Variants in GSTA2 observed in about 807,000 individuals in gnomAD.
GSTA2 encodes glutathione S-transferase A2.
In GSTA2, 27 loss-of-function variants were observed where a neutral mutation model predicts 22.4. The ratio of observed to expected loss-of-function variants is 1.21; its 90% confidence interval spans 0.89 to 1.67. The LOEUF is 1.67. Among genes scored for constraint, GSTA2 ranks in the 40% most tolerant of loss-of-function variants. The pLI, the probability that GSTA2 is intolerant of heterozygous loss-of-function variation, is 0.00. For missense variants in GSTA2, 302 were observed against 260.2 expected, an observed-to-expected ratio of 1.16 and a Z score of -1.11; for synonymous variants, 121 against 86.8, an observed-to-expected ratio of 1.39 and a Z score of -2.19.
At chr6:52,754,077 T>G (rs768478402) in intron 4 of GSTA2, among the ~76,000 whole-genome samples, 2 of 152,270 alleles carry the variant, frequency 1.3e-5, no homozygotes, top group Non-Finnish European at 2.9e-5. Context: ...TGACCAAATA[T>G]CTTTCCATTG....
rs1762889008 is a variant in GSTA2 at position 52,758,449 on chromosome 6, G to C, written c.-30-472C>G. ...ATACAATGTTCACAGTCACACTCCG[G>C]TTGGTGATGGACATGAATATCTACA... On this transcript the variant is annotated intron_variant, in intron 1 of 6. Transcript: ENST00000493422. Among the ~76,000 whole-genome samples the C allele has an allele frequency of 2.0e-5, 3 of 151,788 alleles. No homozygotes were observed. The South Asian group carries it at 6.3e-4, about 32-fold the overall frequency.
intron 1 of GSTA2, among the ~76,000 whole-genome samples, chr6:52,760,725 G>A (rs1372329846): frequency 6.6e-6 from 1 of 152,150 alleles, no homozygotes; most frequent in Middle Eastern, 3.2e-3. Flanking sequence ...CCAAATAAAT[G>A]TTGGAAGGAG....
At chr6:52,759,479 C>T (rs1480924033) in intron 1 of GSTA2, among the ~76,000 whole-genome samples, 1 of 145,596 alleles carries the variant, frequency 6.9e-6, no homozygotes, top group African/African-American at 2.5e-5. Flanking sequence ...TGTTATTAAA[C>T]ATTAAGATTC....
chr6:52,759,107 A>G (rs1762903416), intron 1 of GSTA2, among the ~76,000 whole-genome samples: 1 of 152,372 alleles, frequency 6.6e-6, no homozygotes, highest in East Asian at 1.9e-4. Flanking sequence ...AATAGAAAAG[A>G]AAAGAATAGA....
intron 1 of GSTA2, among the ~76,000 whole-genome samples, chr6:52,760,760 C>A (rs1446946742): frequency 1.3e-5 from 2 of 152,112 alleles, no homozygotes; most frequent in Non-Finnish European, 2.9e-5. Flanking sequence ...ACATCTAATT[C>A]CTGAGTTCCT....
At chr6:52,751,754 C>A (rs72506321) in intron 5 of GSTA2, 46 bp from the exon 6 acceptor site, 77 of 1,613,540 alleles carry the variant, frequency 4.8e-5, no homozygotes, top group Middle Eastern at 1.7e-4. Context: ...CCCACCCAGG[C>A]TGGGACCCCT....
chr6:52,753,746 CTTATG>C (rs1184032987), intron 4 of GSTA2, among the ~76,000 whole-genome samples: 1 of 152,190 alleles, frequency 6.6e-6, no homozygotes, highest in African/African-American at 2.4e-5. Flanking sequence ...ATTGCCACCT[CTTATG>C]TTATACTATT....
At chr6:52,759,892 T>C (rs1581776910) in intron 1 of GSTA2, among the ~76,000 whole-genome samples, 1 of 152,132 alleles carries the variant, frequency 6.6e-6, no homozygotes, top group Admixed American at 6.6e-5. Flanking sequence ...CCTCAACTAA[T>C]GTATTTCTAA....
chr6:52,751,251 A>G (rs1762730460), intron 6 of GSTA2, among the ~76,000 whole-genome samples: 1 of 152,188 alleles, frequency 6.6e-6, no homozygotes, highest in Non-Finnish European at 1.5e-5. Context: ...ATGTGGGCAC[A>G]TATGGGATAA....
chr6:52,761,075 A>AG, intron 1 of GSTA2, among the ~76,000 whole-genome samples: 1 of 152,274 alleles, frequency 6.6e-6, no homozygotes, highest in African/African-American at 2.4e-5. Context: ...TAAATGCAGT[A>AG]GGTTGTTTAA....
chr6:52,750,742 G>A (rs76031565), intron 6 of GSTA2, 43 bp from the exon 7 acceptor site: 16,450 of 1,606,638 alleles, frequency 0.01, 115 homozygotes, highest in Middle Eastern at 0.018. Flanking sequence ...AACAAGTCAA[G>A]GGCTGACACC....
At chr6:52,759,050 A>T (rs868226983) in intron 1 of GSTA2, among the ~76,000 whole-genome samples, 2 of 152,380 alleles carry the variant, frequency 1.3e-5, no homozygotes, top group South Asian at 4.1e-4. Context: ...TCAAATATGC[A>T]TGGTAATCTC....
chr6:52,761,865 T>C (rs1470303979), intron 1 of GSTA2, among the ~76,000 whole-genome samples: 1 of 150,716 alleles, frequency 6.6e-6, no homozygotes, highest in Non-Finnish European at 1.5e-5. Flanking sequence ...ACTGTTACTA[T>C]GTCTATGTAG....
In GSTA2 at chr6:52,752,849, C is replaced by G. The variant is rs192840784; in HGVS notation, c.414+5G>C. ...TTCCCCAAAACACTGAACAGCTTCA[C>G]TTACTTTTTCAAAGGCAGGGAAGTA... On this transcript the variant is annotated splice_donor_5th_base_variant and intron_variant, in intron 5 of 6. Coordinates refer to ENST00000493422, the MANE Select transcript of GSTA2 (RefSeq NM_000846.5). The G allele has an allele frequency of 6.2e-7, 1 of 1,613,678 alleles. No individual in the cohort carries two copies. Among genetic ancestry groups the G allele is most frequent in the African/African-American group, 1.3e-5 (1 of 75,028 alleles).
intron 5 of GSTA2, among the ~76,000 whole-genome samples, 179 bp from the exon 6 acceptor site, chr6:52,751,887 A>G (rs1288312439): frequency 6.6e-6 from 1 of 152,128 alleles, no homozygotes; most frequent in Admixed American, 6.5e-5. Context: ...GTGTAACTGT[A>G]CTCACTCCTC....
At chr6:52,752,140 A>G (rs931146292) in intron 5 of GSTA2, among the ~76,000 whole-genome samples, 37 of 152,174 alleles carry the variant, frequency 2.4e-4, no homozygotes, top group African/African-American at 7.7e-4. Flanking sequence ...CTTCCCCCAG[A>G]AGGAGACTAT....
intron 4 of GSTA2, among the ~76,000 whole-genome samples, 182 bp downstream of exon 4, chr6:52,754,761 A>G (rs1280246468): frequency 2.0e-5 from 3 of 151,612 alleles, no homozygotes; most frequent in Non-Finnish European, 4.4e-5. Context: ...CCTCGCCTGA[A>G]CCCTCCCCAT....
At chr6:52,755,970 G>A (rs923839146) in intron 3 of GSTA2, among the ~76,000 whole-genome samples, 2 of 152,058 alleles carry the variant, frequency 1.3e-5, no homozygotes, top group African/African-American at 4.8e-5. Flanking sequence ...CTGTGCTGAT[G>A]ACCACTGCTC....
intron 1 of GSTA2, among the ~76,000 whole-genome samples, chr6:52,760,630 G>A (rs139420805): frequency 0.022 from 3,322 of 152,160 alleles, 107 homozygotes; most frequent in African/African-American, 0.074. Flanking sequence ...TTGCAGGTCC[G>A]GAGCTTTTCC....
Sources: allele counts gnomAD v4.1 joint callset (sites outside exome capture counted in the v4.1 genomes callset), GRCh38; gene constraint gnomAD v4.1.1; transcripts MANE v1.5; gene names NCBI Gene and HGNC (gene_info 2026-07-23, HGNC 2026-07-21).